Variants in SELENOO observed in about 807,000 individuals in gnomAD.
The protein encoded by SELENOO is protein adenylyltransferase SelO, mitochondrial.
Under a neutral mutation model 58.7 loss-of-function variants are expected in SELENOO, and 74 were observed. The observed-to-expected ratio is 1.26, with a 90% CI of 1.04 to 1.53. The LOEUF (loss-of-function observed/expected upper bound fraction) is 1.53. SELENOO is among the 40% of genes most tolerant of loss of function. The pLI is 0.00. For missense variants in SELENOO, 1,149 were observed against 970.0 expected (o/e 1.18, Z -2.45); for synonymous variants, 543 against 453.2 (o/e 1.20, Z -2.52).
Position 50,210,698 on chromosome 22 carries a change from G to T in SELENOO, c.1138G>T (p.Glu380Ter), listed in dbSNP as rs750808619. The T allele has an allele frequency of 1.2e-6, 2 of 1,613,402 alleles. No homozygotes were observed. Among genetic ancestry groups the T allele is most frequent in the South Asian group, 1.1e-5 (1 of 91,086 alleles). The change falls in exon 5 of 9, where the codon GAG becomes TAG. Residue 380 changes from glutamate (E) to a stop codon, truncating the protein, a stop_gained. Coordinates refer to ENST00000380903, the MANE Select transcript of SELENOO (RefSeq NM_031454.2). LOFTEE classifies it high-confidence loss of function. ...CCGCTACGCGTACAGCAAGCAGCCC[G>T]AGGTGTGCAGGTGGAACCTGCGGAA... ...TGRYAYSKQP[E>*]VCRWNLRKLA...
Position 50,217,231 on chromosome 22 carries a change from G to A in SELENOO, c.1872G>A (p.Glu624=). 1.2e-6 allele frequency: 2 copies of A among 1,611,728 alleles called. No individual in the cohort carries two copies. Among genetic ancestry groups the A allele is most frequent in the Non-Finnish European group, 1.7e-6 (2 of 1,179,400 alleles). ...SEVRRVLKLL[E]TPYHCEAGAA... is the part of the protein sequence containing the mutation. Reference sequence around the variant, plus strand: ...TGCGGCGGGTGCTGAAACTACTGGAGACCCCTTACCACTGCGAGGCGGGGG... The same window carrying A: ...TGCGGCGGGTGCTGAAACTACTGGAAACCCCTTACCACTGCGAGGCGGGGG... Residue 624 remains glutamate (E), a synonymous_variant, in exon 9 of 9, where the codon GAG becomes GAA. Coordinates refer to ENST00000380903, the MANE Select transcript of SELENOO (RefSeq NM_031454.2).
At chr22:50,201,701 C>T (rs950514699) in intron 1 of SELENOO, 111 bp downstream of exon 1, 170 of 775,760 alleles carry the variant, frequency 2.2e-4, no homozygotes, top group African/African-American at 4.0e-4. Context: ...AGTGGGGCCT[C>T]CCCTGCACCC....
Position 50,210,620 on chromosome 22 carries a change from C to G in SELENOO, c.1071-11C>G. 1 of 1,612,850 alleles carries G rather than the reference C, an allele frequency of 6.2e-7. No individual in the cohort carries two copies. Among genetic ancestry groups the G allele is most frequent in the African/African-American group, 1.3e-5 (1 of 75,058 alleles). On this transcript the variant is annotated splice_polypyrimidine_tract_variant and intron_variant, in intron 4 of 8. Coordinates refer to ENST00000380903, the MANE Select transcript of SELENOO (RefSeq NM_031454.2). Reference sequence around the variant, plus strand: ...TCAGGCAGGGCGTGGCTCTCTTGCCCCGTGTGGCAGGTACGACCCCGACCA... The same window carrying G: ...TCAGGCAGGGCGTGGCTCTCTTGCCGCGTGTGGCAGGTACGACCCCGACCA...
chr22:50,206,202 GA>G, intron 1 of SELENOO, 114 bp from the exon 2 acceptor site: 1 of 859,856 alleles, frequency 1.2e-6, no homozygotes, highest in Non-Finnish European at 1.8e-6. Context: ...GGTTTTCAGG[GA>G]CGTGCAAGCT....
At position 50,217,285 on chromosome 22, in the gene SELENOO, C is replaced by T. The variant is rs371194779; in HGVS notation, c.1926C>T (p.Ala642=). 1.1e-5 allele frequency: 17 copies of T among 1,612,572 alleles called. No homozygotes were observed. The highest frequency in any genetic ancestry group is 1.7e-5 in the Admixed American group (1 of 59,952). The change falls in exon 9 of 9, where the codon GCC becomes GCT. Residue 642 remains alanine, a synonymous_variant. Transcript: ENST00000380903. Reference sequence around the variant, plus strand: ...CCACAGACGCCGAGGCCACGGAAGCCGACGGGGCGGACGGCAGGCAGCGCT... The same window carrying T: ...CCACAGACGCCGAGGCCACGGAAGCTGACGGGGCGGACGGCAGGCAGCGCT... ...GAATDAEATE[A]DGADGRQRSY...
intron 5 of SELENOO, among the ~76,000 whole-genome samples, chr22:50,211,887 G>C (rs1365679530): frequency 5.9e-5 from 9 of 152,146 alleles, no homozygotes; most frequent in Admixed American, 5.9e-4. Flanking sequence ...ATTTTTAGTA[G>C]AGACAGGGTT....
chr22:50,210,260 T>A lies in SELENOO; in HGVS notation c.1019T>A (p.Met340Lys), dbSNP rs1449352142. 1.2e-6 allele frequency: 2 copies of A among 1,613,346 alleles called. No individual in the cohort carries two copies. Among genetic ancestry groups the A allele is most frequent in the Admixed American group, 3.3e-5 (2 of 60,006 alleles). Residue 340 changes from methionine to lysine, a missense_variant, in exon 4 of 9, where the codon ATG becomes AAG. By Grantham distance (95) the Met-to-Lys change is moderately conservative (BLOSUM62 -1). Coordinates refer to ENST00000380903, the MANE Select transcript of SELENOO (RefSeq NM_031454.2). ...CACGGCGTGCTCAACACCGACAACATGAGCATCCTGGGGCTCACCATCGAC... is the reference window on the plus strand; with the variant it reads ...CACGGCGTGCTCAACACCGACAACAAGAGCATCCTGGGGCTCACCATCGAC... ...FCHGVLNTDN[M>K]SILGLTIDYG...
chr22:50,201,563 AG>A lies in SELENOO; in HGVS notation c.530del (p.Gly177AlafsTer71). ...GGCGAGCGCTGGGAGCTGCAGCTCA[AG>A]GGCGCCGGGCCCACGCCCTTCTCCA... ...ATGERWELQL[K>X]GAGPTPFSRQ... On this transcript the variant is annotated frameshift_variant, in exon 1 of 9. Coordinates refer to ENST00000380903, the MANE Select transcript of SELENOO (RefSeq NM_031454.2). LOFTEE classifies it high-confidence loss of function. 7.3e-7 allele frequency: 1 copy of A among 1,367,546 alleles called. No homozygotes were observed. 84.7% of individuals were successfully genotyped at this position (1,367,546 alleles called of 1,614,324 possible).
rs957436443 is a variant in SELENOO at position 50,201,047 on chromosome 22, A to T, written c.11A>T (p.Tyr4Phe). 4.5e-6 allele frequency: 6 copies of T among 1,319,732 alleles called. No homozygotes were observed. The highest frequency in any genetic ancestry group is 5.5e-4 in the Middle Eastern group (2 of 3,618). The allele number at this position is 1,319,732 out of a possible 1,614,324, so 81.8% of individuals were successfully genotyped here. The change falls in exon 1 of 9, where the codon TAC becomes TTC. Residue 4 changes from tyrosine to phenylalanine, a missense_variant. Tyr to Phe is a conservative substitution (Grantham distance 22). Transcript: ENST00000380903. ...GGAGCGGGGCCGCGGATGGCCGTAT[A>T]CAGGGCAGCGCTCGGGGCTTCGCTC... is the stretch of plus-strand genomic sequence containing the variant. MAV[Y>F]RAALGASLAA...
In SELENOO at chr22:50,210,642, A is replaced by G; in HGVS notation, c.1082A>G (p.Asp361Gly). The change falls in exon 5 of 9, where the codon GAC becomes GGC. Residue 361 changes from aspartate (D) to glycine (G), a missense_variant. Transcript: ENST00000380903. ...PFGFLDRYDP[D>G]HVCNASDNTG... ...GCCCCGTGTGGCAGGTACGACCCCG[A>G]CCACGTGTGCAATGCCTCCGACAAC... The G allele has an allele frequency of 6.2e-7, 1 of 1,612,824 alleles. No individual in the cohort carries two copies. Among genetic ancestry groups the G allele is most frequent in the Non-Finnish European group, 8.5e-7 (1 of 1,179,816 alleles).
Position 50,201,172 on chromosome 22 carries a change from G to C in SELENOO, c.136G>C (p.Ala46Pro). 1.6e-6 allele frequency: 2 copies of C among 1,239,046 alleles called. No homozygotes were observed. The highest frequency in any genetic ancestry group is 1.0e-6 in the Non-Finnish European group (1 of 990,556). 76.8% of individuals were successfully genotyped at this position (1,239,046 alleles called of 1,614,324 possible). Reference sequence around the variant, plus strand: ...CATGGAGCCCGCGCCTCGCTGGCTGGCGGGGCTGCGCTTCGACAACCGCGC... The same window carrying C: ...CATGGAGCCCGCGCCTCGCTGGCTGCCGGGGCTGCGCTTCGACAACCGCGC... ...AAMEPAPRWL[A>P]GLRFDNRALR... Residue 46 changes from alanine to proline, a missense_variant, in exon 1 of 9, where the codon GCG (alanine) becomes CCG (proline). Coordinates refer to ENST00000380903, the MANE Select transcript of SELENOO (RefSeq NM_031454.2).
rs527716934 is a variant in SELENOO at position 50,208,198 on chromosome 22, G to A, written c.759-338G>A. Reference sequence around the variant, plus strand: ...TGTAATCCCAGCACTTTGGGAGGCCGAGGCGGGTGGATCACGAGGTCAGGA... The same window carrying A: ...TGTAATCCCAGCACTTTGGGAGGCCAAGGCGGGTGGATCACGAGGTCAGGA... On this transcript the variant is annotated intron_variant, in intron 2 of 8. Transcript: ENST00000380903. 1.2e-4 allele frequency among the ~76,000 whole-genome samples: 18 copies of A among 152,234 alleles called. No individual in the cohort carries two copies. The East Asian group carries it at 3.3e-3, about 28-fold the overall frequency.
intron 1 of SELENOO, among the ~76,000 whole-genome samples, chr22:50,205,115 G>A (rs1310104240): frequency 6.6e-6 from 1 of 152,032 alleles, no homozygotes; most frequent in Non-Finnish European, 1.5e-5. Context: ...AGTGTTCGAT[G>A]GGGACAAAGT....
chr22:50,209,759 C>A (rs766308155), intron 3 of SELENOO, among the ~76,000 whole-genome samples: 1 of 152,062 alleles, frequency 6.6e-6, no homozygotes, highest in East Asian at 2.0e-4. Flanking sequence ...TCAAGGTTAC[C>A]GGTGCTGGGC....
rs1490198871 is a variant in SELENOO at position 50,216,849 on chromosome 22, A to G, written c.1661A>G (p.His554Arg). Residue 554 changes from histidine (H) to arginine (R), a missense_variant, in exon 7 of 9, where the codon CAC becomes CGC. By Grantham distance (29) the His-to-Arg change is conservative. Coordinates refer to ENST00000380903, the MANE Select transcript of SELENOO (RefSeq NM_031454.2). ...GAGCTGCAGAGCAGGAACCAGGGCC[A>G]CTGGGCTGACTGGCTACAGGCGTAC... ...AAELQSRNQG[H>R]WADWLQAYRA... is the part of the protein sequence containing the mutation. 2.5e-6 allele frequency: 4 copies of G among 1,608,194 alleles called. No individual in the cohort carries two copies. The highest frequency in any genetic ancestry group is 2.2e-5 in the East Asian group (1 of 44,884).
At position 50,210,188 on chromosome 22, in the gene SELENOO, G is replaced by A. The variant is rs201141144; in HGVS notation, c.947G>A (p.Arg316Gln). 25 of 1,613,020 alleles carry A rather than the reference G, an allele frequency of 1.5e-5. 1 individual carries two copies. The highest frequency in any genetic ancestry group is 1.7e-4 in the Middle Eastern group (1 of 6,044). Residue 316 changes from arginine (R) to glutamine (Q), a missense_variant, in exon 4 of 9, where the codon CGG becomes CAG. By Grantham distance (43) the Arg-to-Gln change is conservative. Coordinates refer to ENST00000380903, the MANE Select transcript of SELENOO (RefSeq NM_031454.2). The stretch of plus-strand genomic sequence containing the variant: ...CACACTGTCCCACCCCAGGTGACGC[G>A]GCGCACGGCGCGGATGGTGGCCGAG... ...RNAAFFREVT[R>Q]RTARMVAEWQ...
chr22:50,215,127 AGT>A (rs978722901), intron 5 of SELENOO, among the ~76,000 whole-genome samples: 5 of 152,156 alleles, frequency 3.3e-5, no homozygotes, highest in African/African-American at 1.2e-4. Flanking sequence ...GGTTTCAGAC[AGT>A]GTTTTCCAGA....
At chr22:50,212,984 T>A (rs2064381867) in intron 5 of SELENOO, among the ~76,000 whole-genome samples, 1 of 152,234 alleles carries the variant, frequency 6.6e-6, no homozygotes, top group South Asian at 2.1e-4. Context: ...ATTGGAGATC[T>A]TCTTCAGTGT....
chr22:50,206,777 C>T (rs542149830), intron 2 of SELENOO, among the ~76,000 whole-genome samples: 3 of 152,322 alleles, frequency 2.0e-5, no homozygotes. Flanking sequence ...CCCACGTGCC[C>T]GGCCAGGCCC....
Sources: gnomAD v4.1 joint callset for allele counts (sites outside exome capture counted in the v4.1 genomes callset) on GRCh38, gnomAD v4.1.1 for gene constraint, MANE v1.5 for transcripts, NCBI Gene and HGNC (gene_info 2026-07-23, HGNC 2026-07-21) for gene names.